ZMIZ1: variants seen among roughly 807,000 people sequenced by gnomAD.
ZMIZ1 encodes zinc finger MIZ-type containing 1.
In ZMIZ1, 17 loss-of-function variants were observed where a neutral mutation model predicts 113.9. That is an observed-to-expected ratio of 0.15 (90% CI 0.10 to 0.22). The LOEUF (loss-of-function observed/expected upper bound fraction) is 0.22, where lower values mean the gene tolerates loss of function less well. ZMIZ1 is among the 10% of genes least tolerant of loss of function. ZMIZ1 has a pLI of 1.00. For synonymous variants in ZMIZ1, 607 were observed against 603.1 expected (o/e 1.01, Z -0.09); for missense variants, 1,059 against 1,477.8 (o/e 0.72, Z 4.65).
intron 3 of ZMIZ1, among the ~76,000 whole-genome samples, chr10:79,140,404 A>G (rs1048900752): frequency 1.1e-4 from 17 of 152,222 alleles, no homozygotes; most frequent in African/African-American, 4.1e-4. Flanking sequence ...TGGCCACGCC[A>G]CAGCAGCTTG....
intron 4 of ZMIZ1, among the ~76,000 whole-genome samples, chr10:79,183,921 A>G (rs1847239751): frequency 6.6e-6 from 1 of 152,170 alleles, no homozygotes; most frequent in African/African-American, 2.4e-5. Flanking sequence ...GTGAACTTGG[A>G]CATACTCATG....
chr10:79,081,022 C>T (rs753075205), intron 1 of ZMIZ1, among the ~76,000 whole-genome samples: 3 of 152,170 alleles, frequency 2.0e-5, no homozygotes, highest in South Asian at 2.1e-4. Flanking sequence ...GCCCCATCTA[C>T]GCTATCCCCA....
intron 7 of ZMIZ1, among the ~76,000 whole-genome samples, chr10:79,264,634 A>G (rs978093285): frequency 1.3e-5 from 2 of 152,150 alleles, no homozygotes; most frequent in African/African-American, 2.4e-5. Flanking sequence ...GAGGCACAGT[A>G]TCTAGTTTCT....
At chr10:79,086,941 A>G (rs2132210019) in intron 1 of ZMIZ1, among the ~76,000 whole-genome samples, 1 of 152,326 alleles carries the variant, frequency 6.6e-6, no homozygotes, top group South Asian at 2.1e-4. Flanking sequence ...ATAGCAAATA[A>G]TTCTGCCTCT....
Position 79,314,045 on chromosome 10 carries a change from C to G in ZMIZ1, c.*1296C>G, listed in dbSNP as rs1309157974. The G allele has an allele frequency of 4.4e-6, 2 of 456,758 alleles. No homozygotes were observed. Among genetic ancestry groups the G allele is most frequent in the Admixed American group, 2.3e-5 (1 of 42,568 alleles). The allele number at this position is 456,758 out of a possible 1,614,324, so 28.3% of individuals were successfully genotyped here. A position where few individuals can be genotyped will look rare whatever the true frequency, so the allele number is the denominator to read the frequency against. On this transcript the variant is annotated 3_prime_UTR_variant, in exon 25 of 25. Coordinates refer to ENST00000334512, the MANE Select transcript of ZMIZ1 (RefSeq NM_020338.4). ...CGTGTTTCTGGGCCTGCCCCAGACA[C>G]TGCCCTTGGCTGCCAGCCTACCCTG...
intron 3 of ZMIZ1, among the ~76,000 whole-genome samples, chr10:79,155,624 T>C (rs1350988006): frequency 6.6e-6 from 1 of 152,210 alleles, no homozygotes; most frequent in African/African-American, 2.4e-5. Context: ...CGATGCTGCA[T>C]GAGCTCTTCC....
intron 1 of ZMIZ1, among the ~76,000 whole-genome samples, chr10:79,114,514 T>TGTGC (rs1843927342): frequency 1.8e-5 from 2 of 109,148 alleles, no homozygotes; most frequent in African/African-American, 3.0e-5. Flanking sequence ...TGCGTGTGTG[T>TGTGC]GTGTGTGTGT....
intron 22 of ZMIZ1, among the ~76,000 whole-genome samples, chr10:79,307,035 G>A (rs1564605991): frequency 6.6e-6 from 1 of 152,192 alleles, no homozygotes; most frequent in Non-Finnish European, 1.5e-5. Context: ...GGCAGAACAT[G>A]CACCCACTCT....
At chr10:79,240,474 G>A (rs1006675732) in intron 7 of ZMIZ1, among the ~76,000 whole-genome samples, 4 of 152,132 alleles carry the variant, frequency 2.6e-5, no homozygotes, top group Non-Finnish European at 4.4e-5. Flanking sequence ...GACCGGAGGC[G>A]TGTAACTAGA....
chr10:79,142,536 A>G (rs905321546), intron 3 of ZMIZ1, among the ~76,000 whole-genome samples: 1 of 152,194 alleles, frequency 6.6e-6, no homozygotes, highest in African/African-American at 2.4e-5. Context: ...AGGACTCTGT[A>G]TGCTGCAGTG....
intron 3 of ZMIZ1, among the ~76,000 whole-genome samples, chr10:79,144,137 A>G (rs2132425819): frequency 6.6e-6 from 1 of 152,204 alleles, no homozygotes. Flanking sequence ...CTTTAGACTC[A>G]CTTTTCTTTA....
chr10:79,198,895 G>A (rs1342737888), intron 4 of ZMIZ1, among the ~76,000 whole-genome samples: 6 of 152,096 alleles, frequency 3.9e-5, no homozygotes, highest in African/African-American at 7.2e-5. Context: ...TTAGCCAGGC[G>A]TGGTGGCAGG....
chr10:79,145,403 G>C (rs1019116461), intron 3 of ZMIZ1, among the ~76,000 whole-genome samples: 8 of 152,204 alleles, frequency 5.3e-5, no homozygotes, highest in Non-Finnish European at 1.0e-4. Flanking sequence ...GTGCAGCCCT[G>C]AGTTGTTGGG....
chr10:79,207,774 A>T (rs1383468456), intron 5 of ZMIZ1, among the ~76,000 whole-genome samples: 2 of 151,708 alleles, frequency 1.3e-5, no homozygotes, highest in African/African-American at 4.8e-5. Context: ...CCCCCAACCC[A>T]TCACCTTATG....
At chr10:79,295,572 C>T (rs562830258) in intron 12 of ZMIZ1, 10 of 152,376 alleles carry the variant, frequency 6.6e-5, no homozygotes, top group Admixed American at 2.6e-4. Flanking sequence ...TCTTCTATAC[C>T]TCCTGTGGTG....
chr10:79,154,621 A>G (rs1205072671), intron 3 of ZMIZ1, among the ~76,000 whole-genome samples: 2 of 152,186 alleles, frequency 1.3e-5, no homozygotes, highest in Admixed American at 6.5e-5. Context: ...TGCCCACCCT[A>G]TGGGGCCTGA....
chr10:79,281,807 T>C (rs1279529541), intron 8 of ZMIZ1, among the ~76,000 whole-genome samples: 1 of 151,780 alleles, frequency 6.6e-6, no homozygotes, highest in Non-Finnish European at 1.5e-5. Flanking sequence ...GGGCCCAGAG[T>C]AGGAAAGTGA....
intron 7 of ZMIZ1, among the ~76,000 whole-genome samples, chr10:79,264,693 G>A (rs765155049): frequency 6.6e-6 from 1 of 152,176 alleles, no homozygotes; most frequent in Non-Finnish European, 1.5e-5. Context: ...GGAGGGGCTT[G>A]TGAGGGTCTG....
At chr10:79,204,152 G>A (rs1848216136) in intron 5 of ZMIZ1, among the ~76,000 whole-genome samples, 2 of 152,184 alleles carry the variant, frequency 1.3e-5, no homozygotes, top group South Asian at 2.1e-4. Flanking sequence ...ATGTGTGCAC[G>A]AGCTGAGATG....
Sources: gnomAD v4.1 joint callset for allele counts (sites outside exome capture counted in the v4.1 genomes callset) on GRCh38, gnomAD v4.1.1 for gene constraint, MANE v1.5 for transcripts, NCBI Gene and HGNC (gene_info 2026-07-23, HGNC 2026-07-21) for gene names.